Variants in HS6ST3 observed in about 807,000 individuals in gnomAD.
HS6ST3 encodes heparan sulfate 6-O-sulfotransferase 3.
A neutral mutation model predicts 36.7 loss-of-function variants in HS6ST3; 12 were observed. The observed-to-expected ratio is 0.33, with a 90% CI of 0.21 to 0.53. The LOEUF is 0.53. HS6ST3 is among the 20% of genes least tolerant of loss of function. The pLI is 0.95. For missense variants in HS6ST3, 584 were observed against 640.9 expected (o/e 0.91, Z 0.96); for synonymous variants, 240 against 257.5 (o/e 0.93, Z 0.65).
chr13:96,635,631 A>G (rs1413735865), intron 1 of HS6ST3, among the ~76,000 whole-genome samples: 3 of 152,284 alleles, frequency 2.0e-5, no homozygotes, highest in East Asian at 3.9e-4. Flanking sequence ...ATGCTTATGC[A>G]TCTGTGTTCT....
chr13:96,722,289 A>G (rs1434432705), intron 1 of HS6ST3, among the ~76,000 whole-genome samples: 1 of 152,136 alleles, frequency 6.6e-6, no homozygotes, highest in African/African-American at 2.4e-5. Context: ...AAAGAAATAC[A>G]TGTTAAAAAT....
intron 1 of HS6ST3, among the ~76,000 whole-genome samples, chr13:96,537,064 C>T (rs1481268150): frequency 2.6e-5 from 4 of 152,302 alleles, no homozygotes; most frequent in Non-Finnish European, 1.5e-5. Flanking sequence ...TCTGTTTTCA[C>T]ACTCCTGATA....
At chr13:96,333,320 G>A (rs540184968) in intron 1 of HS6ST3, among the ~76,000 whole-genome samples, 2 of 152,348 alleles carry the variant, frequency 1.3e-5, no homozygotes, top group African/African-American at 2.4e-5. Context: ...ATAATTCACA[G>A]TGTAGATGTA....
At chr13:96,797,062 G>T (rs1159376504) in intron 1 of HS6ST3, among the ~76,000 whole-genome samples, 2 of 151,966 alleles carry the variant, frequency 1.3e-5, no homozygotes, top group Non-Finnish European at 2.9e-5. Flanking sequence ...AGATGGAGAG[G>T]GTTGTCCCTC....
intron 1 of HS6ST3, among the ~76,000 whole-genome samples, chr13:96,402,891 T>A (rs1306399571): frequency 6.6e-6 from 1 of 152,212 alleles, no homozygotes; most frequent in East Asian, 1.9e-4. Context: ...TATACACCAT[T>A]TTGAGGATAT....
In HS6ST3 at chr13:96,138,662, C is replaced by G. The variant is rs573784072; in HGVS notation, c.707+47093C>G. Among the ~76,000 whole-genome samples, 18 of 152,046 alleles carry G rather than the reference C, an allele frequency of 1.2e-4. No homozygotes were observed. In the East Asian group the frequency reaches 3.5e-3, roughly 29 times the overall value. On this transcript the variant is annotated intron_variant, in intron 1 of 1. Coordinates refer to ENST00000376705, the MANE Select transcript of HS6ST3 (RefSeq NM_153456.4). ...CCATCAACCACAAATCAGATTTCTG[C>G]CAATATGTATTAGTTTGCATTTGTA...
intron 1 of HS6ST3, among the ~76,000 whole-genome samples, chr13:96,209,065 G>GCCA (rs1356373014): frequency 6.6e-6 from 1 of 152,164 alleles, no homozygotes; most frequent in Non-Finnish European, 1.5e-5. Context: ...TTGGGATACA[G>GCCA]AACTACCATA....
intron 1 of HS6ST3, among the ~76,000 whole-genome samples, chr13:96,674,453 G>A (rs1357196828): frequency 6.6e-6 from 1 of 152,046 alleles, no homozygotes; most frequent in Admixed American, 6.6e-5. Flanking sequence ...GTTTCATATA[G>A]GTGGTCCTTC....
intron 1 of HS6ST3, among the ~76,000 whole-genome samples, chr13:96,323,961 T>C (rs989330169): frequency 6.6e-6 from 1 of 152,150 alleles, no homozygotes; most frequent in South Asian, 2.1e-4. Context: ...GGGATTTAAA[T>C]TGGGCTTTCT....
At position 96,609,115 on chromosome 13, in the gene HS6ST3, G is replaced by A. The variant is rs552538888; in HGVS notation, c.708-223375G>A. On this transcript the variant is annotated intron_variant, in intron 1 of 1. Coordinates refer to ENST00000376705, the MANE Select transcript of HS6ST3 (RefSeq NM_153456.4). Reference sequence around the variant, plus strand: ...CTCCCGAGTAGCTGGGACTATAGGCGCCCGCCACCACGCCCAGCTAATTTT... The same window carrying A: ...CTCCCGAGTAGCTGGGACTATAGGCACCCGCCACCACGCCCAGCTAATTTT... Among the ~76,000 whole-genome samples the A allele has an allele frequency of 6.5e-3, 980 of 151,074 alleles. 2 individuals carry two copies. Among genetic ancestry groups the A allele is most frequent in the Non-Finnish European group, 0.011 (755 of 67,486 alleles).
intron 1 of HS6ST3, among the ~76,000 whole-genome samples, chr13:96,544,880 T>C (rs1362090159): frequency 1.3e-5 from 2 of 152,182 alleles, no homozygotes; most frequent in Non-Finnish European, 2.9e-5. Flanking sequence ...TATTTAAAAA[T>C]GAGCCTCATT....
At chr13:96,693,525 A>G (rs1875036524) in intron 1 of HS6ST3, among the ~76,000 whole-genome samples, 1 of 151,644 alleles carries the variant, frequency 6.6e-6, no homozygotes, top group Non-Finnish European at 1.5e-5. Flanking sequence ...CTGGTCTTGA[A>G]CTCCTGATCT....
intron 1 of HS6ST3, among the ~76,000 whole-genome samples, chr13:96,160,855 C>T (rs1177744546): frequency 1.3e-5 from 2 of 152,106 alleles, no homozygotes; most frequent in African/African-American, 4.8e-5. Context: ...GCAATAGAAC[C>T]CACAGGGCTG....
intron 1 of HS6ST3, among the ~76,000 whole-genome samples, chr13:96,514,271 G>A (rs1428301122): frequency 6.6e-6 from 1 of 152,142 alleles, no homozygotes; most frequent in East Asian, 1.9e-4. Context: ...CTGGATTTGG[G>A]CTTTATATTG....
At chr13:96,575,861 A>C (rs1189707157) in intron 1 of HS6ST3, among the ~76,000 whole-genome samples, 5 of 152,228 alleles carry the variant, frequency 3.3e-5, no homozygotes, top group Non-Finnish European at 7.3e-5. Flanking sequence ...GGCACTGCTA[A>C]ATGATGCACA....
chr13:96,594,006 G>T (rs1486313837), intron 1 of HS6ST3, among the ~76,000 whole-genome samples: 1 of 151,572 alleles, frequency 6.6e-6, no homozygotes, highest in African/African-American at 2.4e-5. Flanking sequence ...TCCCAGGCTG[G>T]AGTGCAATGG....
At chr13:96,432,327 C>CT (rs1402316011) in intron 1 of HS6ST3, among the ~76,000 whole-genome samples, 1 of 152,056 alleles carries the variant, frequency 6.6e-6, no homozygotes, top group Non-Finnish European at 1.5e-5. Flanking sequence ...TACTGAGAAA[C>CT]TTTATAGTGT....
At chr13:96,469,495 A>T (rs1312165623) in intron 1 of HS6ST3, among the ~76,000 whole-genome samples, 1 of 152,066 alleles carries the variant, frequency 6.6e-6, no homozygotes, top group Non-Finnish European at 1.5e-5. Flanking sequence ...TCCACTTTCC[A>T]TCCTTGCCAT....
At chr13:96,730,268 G>A (rs906590947) in intron 1 of HS6ST3, among the ~76,000 whole-genome samples, 1 of 151,940 alleles carries the variant, frequency 6.6e-6, no homozygotes, top group African/African-American at 2.4e-5. Context: ...TCAACATGTT[G>A]CCCTTCATTA....
Sources: allele counts gnomAD v4.1 joint callset (sites outside exome capture counted in the v4.1 genomes callset), GRCh38; gene constraint gnomAD v4.1.1; transcripts MANE v1.5; gene names NCBI Gene and HGNC (gene_info 2026-07-23, HGNC 2026-07-21).